CALN1: variants seen among roughly 807,000 people sequenced by gnomAD.
The protein encoded by CALN1 is calneuron 1, also known as calcium-binding protein 8.
A neutral mutation model predicts 30.6 loss-of-function variants in CALN1; 17 were observed. The ratio of observed to expected loss-of-function variants is 0.56; its 90% CI spans 0.38 to 0.83. The LOEUF is 0.83. CALN1 is among the 40% of genes least tolerant of loss of function. CALN1 has a pLI of 0.00. For missense variants in CALN1, 291 were observed against 354.9 expected (o/e 0.82, Z 1.45); for synonymous variants, 156 against 131.4 (o/e 1.19, Z -1.28).
intron 5 of CALN1, among the ~76,000 whole-genome samples, chr7:71,895,092 C>T (rs1793461878): frequency 1.3e-5 from 2 of 152,044 alleles, no homozygotes; most frequent in South Asian, 4.1e-4. Context: ...GTAGCTGAGA[C>T]CACAAGGGTA....
chr7:72,175,199 G>A (rs745586153), intron 3 of CALN1, among the ~76,000 whole-genome samples: 9 of 151,528 alleles, frequency 5.9e-5, no homozygotes, highest in Non-Finnish European at 1.2e-4. Flanking sequence ...TCAGCCTCCC[G>A]AGTAGCTGAG....
chr7:71,785,034 C>T lies in CALN1; in HGVS notation c.*2741G>A. On this transcript the variant is annotated 3_prime_UTR_variant, in exon 7 of 7. Coordinates refer to ENST00000395275, the MANE Select transcript of CALN1 (RefSeq NM_031468.4). Reference sequence around the variant, plus strand: ...GCAAGTCACCGGGACAAACTCTGAGCTCCTGAAGTCTAAGGAATGCCGCTA... The same window carrying T: ...GCAAGTCACCGGGACAAACTCTGAGTTCCTGAAGTCTAAGGAATGCCGCTA... 2.5e-6 allele frequency: 1 copy of T among 395,688 alleles called. No homozygotes were observed. The highest frequency in any genetic ancestry group is 3.6e-5 in the East Asian group (1 of 27,984). The allele number at this position is 395,688 out of a possible 1,614,324, so 24.5% of individuals were successfully genotyped here.
In CALN1 at chr7:71,933,402, C is replaced by T. The variant is rs185496245; in HGVS notation, c.501+90255G>A. ...GCCGCCGCCGGCTGGTCTTTCCTTT[C>T]GGAAGCCCCTCTCACTAGAGAGGGA... On this transcript the variant is annotated intron_variant, in intron 5 of 6. Coordinates refer to ENST00000395275, the MANE Select transcript of CALN1 (RefSeq NM_031468.4). Among the ~76,000 whole-genome samples, 111 of 152,254 alleles carry T rather than the reference C, an allele frequency of 7.3e-4. 1 individual carries two copies. Among genetic ancestry groups the T allele is most frequent in the Non-Finnish European group, 2.6e-4 (18 of 68,014 alleles).
chr7:72,433,055 G>A (rs1174820459), intron 1 of CALN1, among the ~76,000 whole-genome samples: 1 of 152,142 alleles, frequency 6.6e-6, no homozygotes, highest in Non-Finnish European at 1.5e-5. Flanking sequence ...GCGCAGAAAA[G>A]GAAGATTCAG....
chr7:72,138,258 T>A (rs1217942839), intron 3 of CALN1, among the ~76,000 whole-genome samples: 1 of 152,172 alleles, frequency 6.6e-6, no homozygotes, highest in Non-Finnish European at 1.5e-5. Flanking sequence ...ATGATGCTAA[T>A]TCTAGATGAT....
At chr7:72,024,225 G>T (rs900238428) in intron 4 of CALN1, among the ~76,000 whole-genome samples, 6 of 152,112 alleles carry the variant, frequency 3.9e-5, no homozygotes, top group Non-Finnish European at 7.4e-5. Flanking sequence ...TCAATGGCTA[G>T]TTCCCTTTTC....
intron 1 of CALN1, among the ~76,000 whole-genome samples, chr7:72,404,301 T>G (rs1321394663): frequency 6.6e-6 from 1 of 152,234 alleles, no homozygotes; most frequent in African/African-American, 2.4e-5. Context: ...GCACACTGTG[T>G]GGCATTTAGG....
At chr7:72,198,841 G>A (rs1791219158) in intron 3 of CALN1, among the ~76,000 whole-genome samples, 1 of 152,138 alleles carries the variant, frequency 6.6e-6, no homozygotes, top group Admixed American at 6.6e-5. Context: ...TTTTAACACT[G>A]GGAAAGGGCT....
chr7:72,070,374 T>A (rs767426328), intron 4 of CALN1, among the ~76,000 whole-genome samples: 65 of 152,210 alleles, frequency 4.3e-4, no homozygotes, highest in Non-Finnish European at 8.2e-4. Flanking sequence ...AGTCAGAGAA[T>A]GTGTCCAACT....
rs71069048 is a variant in CALN1 at position 72,273,421 on chromosome 7, C to CAA, written c.244+5263_244+5264dup. 4.2e-3 allele frequency among the ~76,000 whole-genome samples: 398 copies of CAA among 94,470 alleles called. 4 individuals are homozygous for CAA. The highest frequency in any genetic ancestry group is 0.027 in the Middle Eastern group (4 of 150). The allele number at this position is 94,470 out of a possible 152,430, so 62.0% of individuals were successfully genotyped here. A position where few individuals can be genotyped will look rare whatever the true frequency, so the allele number is the denominator to read the frequency against. ...TGGGCAACAGAGCAAGACTCCATCT[C>CAA]AAAAAAAAAAAAAAAGCGGCGGGCG... On this transcript the variant is annotated intron_variant, in intron 3 of 6. Coordinates refer to ENST00000395275, the MANE Select transcript of CALN1 (RefSeq NM_031468.4).
At chr7:72,420,265 T>C (rs1163223515) in intron 1 of CALN1, among the ~76,000 whole-genome samples, 2 of 152,024 alleles carry the variant, frequency 1.3e-5, no homozygotes, top group Non-Finnish European at 2.9e-5. Flanking sequence ...ACTCATAAGA[T>C]TGAGGCACGA....
chr7:71,965,646 C>T (rs1008302457), intron 5 of CALN1, among the ~76,000 whole-genome samples: 1 of 152,094 alleles, frequency 6.6e-6, no homozygotes, highest in African/African-American at 2.4e-5. Context: ...AGGGACTTAC[C>T]TTATTCATTT....
At chr7:71,822,646 G>A (rs1209161573) in intron 5 of CALN1, among the ~76,000 whole-genome samples, 1 of 152,176 alleles carries the variant, frequency 6.6e-6, no homozygotes, top group Non-Finnish European at 1.5e-5. Context: ...TTTGTGTAAT[G>A]CATGACTTAA....
chr7:72,308,372 G>GGGGAGAGAGA (rs373934467), intron 2 of CALN1, among the ~76,000 whole-genome samples: 1 of 92,622 alleles, frequency 1.1e-5, no homozygotes, highest in African/African-American at 5.6e-5. Context: ...TGTGGGGGGG[G>GGGGAGAGAGA]GAGAGAGAGA....
At chr7:72,100,705 A>C (rs1032416253) in intron 4 of CALN1, among the ~76,000 whole-genome samples, 2 of 150,724 alleles carry the variant, frequency 1.3e-5, no homozygotes, top group Non-Finnish European at 2.9e-5. Flanking sequence ...CTGTAGTCCC[A>C]GCTACTTGGG....
chr7:71,839,555 CTGTATAACAGCTTAA>C (rs918717024), intron 5 of CALN1, among the ~76,000 whole-genome samples: 34 of 152,264 alleles, frequency 2.2e-4, no homozygotes, highest in African/African-American at 7.9e-4. Context: ...GTTATCACTG[CTGTATAACAGCTTAA>C]TCATTTTATG....
At chr7:71,849,436 A>AT (rs3063933) in intron 5 of CALN1, among the ~76,000 whole-genome samples, 28,072 of 140,100 alleles carry the variant, frequency 0.2, 4,429 homozygotes, top group East Asian at 0.5. Context: ...GGATCTTCCT[A>AT]TTTTTTTTTT....
chr7:72,191,196 AGCCT>A (rs1790572735), intron 3 of CALN1, among the ~76,000 whole-genome samples: 1 of 152,222 alleles, frequency 6.6e-6, no homozygotes, highest in Non-Finnish European at 1.5e-5. Flanking sequence ...TGCGACTGAC[AGCCT>A]AGAGGAATTG....
At chr7:72,365,322 G>T (rs554500106) in intron 2 of CALN1, among the ~76,000 whole-genome samples, 1 of 152,084 alleles carries the variant, frequency 6.6e-6, no homozygotes, top group South Asian at 2.1e-4. Flanking sequence ...GACAGAGCAA[G>T]ACCTTGTCTC....
Sources: allele counts gnomAD v4.1 joint callset (sites outside exome capture counted in the v4.1 genomes callset), GRCh38; gene constraint gnomAD v4.1.1; transcripts MANE v1.5; gene names NCBI Gene and HGNC (gene_info 2026-07-23, HGNC 2026-07-21).